The following CLIC5 variants were observed in gnomAD, a reference collection of about 807,000 sequenced individuals.
CLIC5 encodes chloride intracellular channel protein 5.
In CLIC5, 20 loss-of-function variants were observed where a neutral mutation model predicts 24.7. The observed-to-expected ratio is 0.81, with a 90% CI of 0.57 to 1.18. CLIC5 has a LOEUF of 1.18. Ranked by LOEUF, CLIC5 falls within the 50% of genes most tolerant of loss-of-function variation. The pLI, the probability that CLIC5 is intolerant of heterozygous loss-of-function variation, is 0.00. For synonymous variants in CLIC5, 159 were observed against 135.6 expected (o/e 1.17, Z -1.20); for missense variants, 341 against 326.1 (o/e 1.05, Z -0.35).
At chr6:46,002,519 C>A (rs1435841711) in intron 1 of CLIC5, among the ~76,000 whole-genome samples, 1 of 152,176 alleles carries the variant, frequency 6.6e-6, no homozygotes, top group Non-Finnish European at 1.5e-5. Context: ...CAGTGGCATG[C>A]AATACTCCTG....
At chr6:46,012,557 G>A (rs1219161147) in intron 1 of CLIC5, among the ~76,000 whole-genome samples, 1 of 152,196 alleles carries the variant, frequency 6.6e-6, no homozygotes, top group Non-Finnish European at 1.5e-5. Flanking sequence ...ATAAATAAAT[G>A]TCACCATGAT....
intron 1 of CLIC5, among the ~76,000 whole-genome samples, chr6:46,027,328 T>C (rs1396949034): frequency 6.6e-6 from 1 of 152,150 alleles, no homozygotes. Context: ...ATTTGAAGAC[T>C]GAAGGGAAGA....
At chr6:46,077,583 G>C (rs1247766993) in intron 1 of CLIC5, among the ~76,000 whole-genome samples, 1 of 151,948 alleles carries the variant, frequency 6.6e-6, no homozygotes, top group African/African-American at 2.4e-5. Flanking sequence ...TTCAACATTG[G>C]GTAAGGAACT....
the CLIC5 span, among the ~76,000 whole-genome samples, chr6:46,086,620 T>A: frequency 6.6e-6 from 1 of 152,180 alleles, no homozygotes; most frequent in Admixed American, 6.5e-5. Context: ...CATAGGATGA[T>A]ACTGAAAATG....
the CLIC5 span, among the ~76,000 whole-genome samples, chr6:46,110,501 C>G: frequency 6.6e-6 from 1 of 152,158 alleles, no homozygotes; most frequent in African/African-American, 2.4e-5. Context: ...TGATTAGAGA[C>G]ACTGGTTATT....
chr6:45,917,048 G>T (rs145790021), intron 4 of CLIC5, among the ~76,000 whole-genome samples: 145 of 152,308 alleles, frequency 9.5e-4, no homozygotes, highest in African/African-American at 3.2e-3. Flanking sequence ...AAGCTTCAAG[G>T]TGTCTTGCTT....
At chr6:46,051,097 A>G (rs1298207607) in intron 1 of CLIC5, among the ~76,000 whole-genome samples, 1 of 152,220 alleles carries the variant, frequency 6.6e-6, no homozygotes, top group African/African-American at 2.4e-5. Context: ...CTCTTAGAAC[A>G]TAACTGAACA....
chr6:45,959,273 G>A (rs888809814), intron 1 of CLIC5, among the ~76,000 whole-genome samples: 66 of 152,276 alleles, frequency 4.3e-4, no homozygotes, highest in African/African-American at 1.6e-3. Context: ...GTGGATGATA[G>A]TTATTGATAT....
rs989887999 is a variant in CLIC5 at position 45,912,069 on chromosome 6, G to A, written c.588+2159C>T. ...GGATGCACACGGAGATCTGACGTTC[G>A]CAGGGACTTCCATGCTCATGTTCTG... On this transcript the variant is annotated intron_variant, in intron 5 of 5. Coordinates refer to ENST00000339561, the MANE Select transcript of CLIC5 (RefSeq NM_016929.5). 14 of 985,736 alleles carry A rather than the reference G, an allele frequency of 1.4e-5. No homozygotes were observed. In the South Asian group the frequency reaches 2.3e-4, roughly 17 times the overall value. The allele number at this position is 985,736 out of a possible 1,614,324, so 61.1% of individuals were successfully genotyped here.
chr6:46,053,367 T>C (rs546586131), intron 1 of CLIC5, among the ~76,000 whole-genome samples: 3 of 152,284 alleles, frequency 2.0e-5, no homozygotes, highest in Non-Finnish European at 4.4e-5. Flanking sequence ...TCAGAGGTGC[T>C]ATATTAGATG....
chr6:46,081,230 C>A (rs769108450), upstream of CLIC5, among the ~76,000 whole-genome samples: 1 of 152,140 alleles, frequency 6.6e-6, no homozygotes, highest in Non-Finnish European at 1.5e-5. Flanking sequence ...AATATGTGTG[C>A]CCCCCAAATT....
chr6:45,967,866 A>G (rs1313201016), intron 1 of CLIC5, among the ~76,000 whole-genome samples: 2 of 152,158 alleles, frequency 1.3e-5, no homozygotes, highest in Admixed American at 1.3e-4. Context: ...GAACTCACTC[A>G]TTACCATGGG....
chr6:45,972,200 C>T (rs1335056671), intron 1 of CLIC5, among the ~76,000 whole-genome samples: 1 of 152,200 alleles, frequency 6.6e-6, no homozygotes, highest in East Asian at 1.9e-4. Context: ...TGTTTTCTCT[C>T]TATCTTTTCA....
At position 45,999,732 on chromosome 6, in the gene CLIC5, G is replaced by GTTTTTTTTTTT. The variant is rs1201850451; in HGVS notation, c.63+15737_63+15747dup. Among the ~76,000 whole-genome samples, 6 of 50,848 alleles carry GTTTTTTTTTTT rather than the reference G, an allele frequency of 1.2e-4. 2 individuals are homozygous for GTTTTTTTTTTT. The highest frequency in any genetic ancestry group is 3.8e-4 in the African/African-American group (4 of 10,450). 33.4% of individuals were successfully genotyped at this position (50,848 alleles called of 152,430 possible). On this transcript the variant is annotated intron_variant, in intron 1 of 5. Coordinates refer to ENST00000339561, the MANE Select transcript of CLIC5 (RefSeq NM_016929.5). ...GTAAATCTATTTTCTCTTCCTTGTGGTTTTTTTTTTTTTTTTTTTTTTTTG... is the reference window on the plus strand; with the variant it reads ...GTAAATCTATTTTCTCTTCCTTGTGGTTTTTTTTTTTTTTTTTTTTTTTTTTTTTTTTTTTG...
At chr6:45,957,568 G>A (rs4711837) in intron 1 of CLIC5, among the ~76,000 whole-genome samples, 127,678 of 151,838 alleles carry the variant, frequency 0.84, 54,296 homozygotes, top group Non-Finnish European at 0.9. Flanking sequence ...ACATCCTCTG[G>A]TCAGTGTGCA....
At chr6:45,999,029 A>G (rs1172791228) in intron 1 of CLIC5, among the ~76,000 whole-genome samples, 1 of 152,190 alleles carries the variant, frequency 6.6e-6, no homozygotes, top group African/African-American at 2.4e-5. Context: ...AACCTAGGCT[A>G]TGAGAGCTCC....
intron 1 of CLIC5, among the ~76,000 whole-genome samples, chr6:46,026,405 G>A (rs2127453095): frequency 6.6e-6 from 1 of 152,208 alleles, no homozygotes; most frequent in African/African-American, 2.4e-5. Flanking sequence ...CAGACACAGA[G>A]GAAATTCATT....
chr6:46,049,757 T>G (rs1303763909), intron 1 of CLIC5, among the ~76,000 whole-genome samples: 1 of 152,226 alleles, frequency 6.6e-6, no homozygotes, highest in Non-Finnish European at 1.5e-5. Context: ...GCCATCAGCT[T>G]TTGACAGGCT....
the CLIC5 span, among the ~76,000 whole-genome samples, chr6:46,109,595 G>C: frequency 7.1e-6 from 1 of 141,832 alleles, no homozygotes; most frequent in Non-Finnish European, 1.5e-5. Context: ...ATCAAAGCAA[G>C]TATGAATTAC....
Sources: allele counts gnomAD v4.1 joint callset (sites outside exome capture counted in the v4.1 genomes callset), GRCh38; gene constraint gnomAD v4.1.1; transcripts MANE v1.5; gene names NCBI Gene and HGNC (gene_info 2026-07-23, HGNC 2026-07-21).